ZFAT: variants seen among roughly 807,000 people sequenced by gnomAD.
The protein encoded by ZFAT is zinc finger protein ZFAT.
A neutral mutation model predicts 117.7 loss-of-function variants in ZFAT; 64 were observed. The observed-to-expected ratio is 0.54, with a 90% confidence interval of 0.44 to 0.67. ZFAT has a LOEUF of 0.67. Among genes scored for constraint, ZFAT ranks in the 30% least tolerant of loss-of-function variants. ZFAT has a pLI of 0.00. For synonymous variants in ZFAT, 679 were observed against 615.0 expected (o/e 1.10, Z -1.54); for missense variants, 1,433 against 1,584.5 (o/e 0.90, Z 1.62).
intron 1 of ZFAT, among the ~76,000 whole-genome samples, chr8:134,684,151 G>C (rs1354096910): frequency 1.3e-5 from 2 of 152,000 alleles, no homozygotes; most frequent in Admixed American, 1.3e-4. Context: ...CAGGGACATT[G>C]AAAGGGACAG....
intron 11 of ZFAT, among the ~76,000 whole-genome samples, 193 bp from the exon 12 acceptor site, chr8:134,533,165 C>T (rs1821560225): frequency 1.3e-5 from 2 of 152,168 alleles, no homozygotes; most frequent in South Asian, 2.1e-4. Flanking sequence ...ACCAAGGGAC[C>T]GGGACAAGGT....
the ZFAT span, among the ~76,000 whole-genome samples, chr8:134,808,756 AGTGATAACTGAG>A: frequency 3.9e-5 from 6 of 152,252 alleles, no homozygotes; most frequent in Non-Finnish European, 5.9e-5. Flanking sequence ...AGATTTTTAC[AGTGATAACTGAG>A]AAGTAGGCAA....
chr8:134,770,017 G>A, the ZFAT span, among the ~76,000 whole-genome samples: 5 of 152,300 alleles, frequency 3.3e-5, no homozygotes, highest in East Asian at 3.9e-4. Flanking sequence ...TCTGGCCCAC[G>A]AAACCACTTT....
chr8:134,786,282 T>C, the ZFAT span, among the ~76,000 whole-genome samples: 5 of 152,330 alleles, frequency 3.3e-5, no homozygotes, highest in East Asian at 3.8e-4. Context: ...CAGTGCAACA[T>C]GGAACAGATG....
intron 2 of ZFAT, 21 bp downstream of exon 2, chr8:134,657,540 C>A: frequency 6.3e-7 from 1 of 1,587,940 alleles, no homozygotes; most frequent in South Asian, 1.1e-5. Flanking sequence ...GGTATCCTGC[C>A]CCACCCCCCA....
intron 15 of ZFAT, among the ~76,000 whole-genome samples, chr8:134,492,783 TA>T (rs2130153610): frequency 6.6e-6 from 1 of 152,260 alleles, no homozygotes; most frequent in African/African-American, 2.4e-5. Flanking sequence ...ATGTGGTTTG[TA>T]AAAAACATCA....
intron 13 of ZFAT, among the ~76,000 whole-genome samples, chr8:134,512,998 T>C (rs546372710): frequency 6.6e-6 from 1 of 152,228 alleles, no homozygotes; most frequent in Non-Finnish European, 1.5e-5. Context: ...CTGGGTGCCA[T>C]GTGGCCAACA....
rs1195898842 is a variant in ZFAT at position 134,590,586 on chromosome 8, A to G, written c.2476-231T>C. Among the ~76,000 whole-genome samples the G allele has an allele frequency of 2.0e-5, 3 of 151,662 alleles. No individual in the cohort carries two copies. In the East Asian group the frequency reaches 5.8e-4, roughly 29 times the overall value. On this transcript the variant is annotated intron_variant, in intron 7 of 15. Transcript: ENST00000377838. ...CACTACTACCACCATCATCACCATC[A>G]TCATCACCACCACCAGCACTATCAA...
chr8:134,492,793 C>A (rs577421068), intron 15 of ZFAT, among the ~76,000 whole-genome samples: 25 of 152,294 alleles, frequency 1.6e-4, no homozygotes, highest in African/African-American at 5.1e-4. Flanking sequence ...TAAAAAACAT[C>A]ATAAATTCCT....
the ZFAT span, among the ~76,000 whole-genome samples, chr8:134,746,448 A>T: frequency 6.6e-6 from 1 of 152,228 alleles, no homozygotes; most frequent in African/African-American, 2.4e-5. Flanking sequence ...GTACCCTAAA[A>T]TCGCATTAGC....
chr8:134,582,890 A>T (rs1825805061), intron 10 of ZFAT, among the ~76,000 whole-genome samples: 1 of 152,214 alleles, frequency 6.6e-6, no homozygotes, highest in African/African-American at 2.4e-5. Context: ...TCTATAGTAA[A>T]CTCCAATTTT....
chr8:134,481,533 C>T (rs1817306305), intron 15 of ZFAT, among the ~76,000 whole-genome samples: 1 of 152,204 alleles, frequency 6.6e-6, no homozygotes, highest in Non-Finnish European at 1.5e-5. Context: ...AAACTCCCAC[C>T]CTTTAAAAAC....
the ZFAT span, among the ~76,000 whole-genome samples, chr8:134,763,529 C>T: frequency 1.3e-5 from 2 of 152,122 alleles, no homozygotes; most frequent in African/African-American, 2.4e-5. Flanking sequence ...CCTTACCGTG[C>T]CTTATTTTTT....
At chr8:134,713,676 T>C (rs1814127136), upstream of ZFAT, among the ~76,000 whole-genome samples, 1 of 152,172 alleles carries the variant, frequency 6.6e-6, no homozygotes, top group Non-Finnish European at 1.5e-5. Flanking sequence ...TGGCACAGCC[T>C]TCGGCAGGCA....
the ZFAT span, among the ~76,000 whole-genome samples, chr8:134,729,871 G>A: frequency 6.6e-6 from 1 of 152,252 alleles, no homozygotes; most frequent in Non-Finnish European, 1.5e-5. Flanking sequence ...TTGTCCTGAC[G>A]CTTACATGAA....
chr8:134,806,048 CAATT>C, the ZFAT span, among the ~76,000 whole-genome samples: 9 of 151,854 alleles, frequency 5.9e-5, 1 homozygote, highest in Admixed American at 2.6e-4. Context: ...ACTATGAAAA[CAATT>C]AAAGTCCACA....
At chr8:134,698,892 T>C (rs1833942589) in intron 1 of ZFAT, among the ~76,000 whole-genome samples, 1 of 152,188 alleles carries the variant, frequency 6.6e-6, no homozygotes, top group African/African-American at 2.4e-5. Flanking sequence ...TACATAGTCT[T>C]CCCATTAGAG....
At chr8:134,829,547 T>G in the ZFAT span, among the ~76,000 whole-genome samples, 1 of 152,248 alleles carries the variant, frequency 6.6e-6, no homozygotes, top group Non-Finnish European at 1.5e-5. Context: ...TCCTAAATTG[T>G]TGTATGCCAA....
At chr8:134,789,911 G>C in the ZFAT span, among the ~76,000 whole-genome samples, 5 of 152,146 alleles carry the variant, frequency 3.3e-5, no homozygotes, top group Non-Finnish European at 7.4e-5. Flanking sequence ...CATAACTTAT[G>C]TAAAGTCATC....
Sources: allele counts gnomAD v4.1 joint callset (sites outside exome capture counted in the v4.1 genomes callset), GRCh38; gene constraint gnomAD v4.1.1; transcripts MANE v1.5; gene names NCBI Gene and HGNC (gene_info 2026-07-23, HGNC 2026-07-21).